The following GRID1 variants were observed in gnomAD, a reference collection of about 807,000 sequenced individuals.
The protein encoded by GRID1 is glutamate receptor ionotropic, delta-1.
A neutral mutation model predicts 98.0 loss-of-function variants in GRID1; 28 were observed. The observed-to-expected ratio is 0.29, with a 90% CI of 0.21 to 0.39. The LOEUF (loss-of-function observed/expected upper bound fraction) is 0.39. Among genes scored for constraint, GRID1 ranks in the 10% least tolerant of loss-of-function variants. The pLI, the probability that GRID1 is intolerant of heterozygous loss-of-function variation, is 1.00. For synonymous variants in GRID1, 553 were observed against 538.5 expected (o/e 1.03, Z -0.37); for missense variants, 1,111 against 1,340.5 (o/e 0.83, Z 2.67).
chr10:85,695,013 A>T (rs1249879155), intron 12 of GRID1, among the ~76,000 whole-genome samples: 1 of 152,180 alleles, frequency 6.6e-6, no homozygotes, highest in Non-Finnish European at 1.5e-5. Context: ...AGATGAATAT[A>T]TGAGAACTCT....
At chr10:86,181,758 T>C (rs542402244) in intron 3 of GRID1, among the ~76,000 whole-genome samples, 1 of 152,348 alleles carries the variant, frequency 6.6e-6, no homozygotes, top group Admixed American at 6.5e-5. Flanking sequence ...GAGAGTCATG[T>C]TGTATCCAGG....
intron 4 of GRID1, among the ~76,000 whole-genome samples, chr10:85,942,422 T>C (rs893494862): frequency 4.6e-5 from 7 of 152,192 alleles, no homozygotes; most frequent in African/African-American, 1.7e-4. Flanking sequence ...CTGGGGCCTG[T>C]GATCCAGACC....
chr10:86,269,631 C>T (rs994417081), intron 2 of GRID1, among the ~76,000 whole-genome samples: 21 of 152,226 alleles, frequency 1.4e-4, no homozygotes, highest in African/African-American at 4.8e-4. Flanking sequence ...TCCTCTCATC[C>T]TCCCTGGTCA....
At chr10:86,188,069 CAGTT>C (rs10597870) in intron 3 of GRID1, among the ~76,000 whole-genome samples, 2,186 of 152,328 alleles carry the variant, frequency 0.014, 49 homozygotes, top group African/African-American at 0.049. Flanking sequence ...CGCAGATCCT[CAGTT>C]AGTACTGATG....
chr10:86,066,087 CAG>C (rs1843715750), intron 4 of GRID1, among the ~76,000 whole-genome samples: 1 of 152,174 alleles, frequency 6.6e-6, no homozygotes, highest in Non-Finnish European at 1.5e-5. Flanking sequence ...TCTGAAAAGA[CAG>C]ATTAAAGAGG....
intron 12 of GRID1, among the ~76,000 whole-genome samples, chr10:85,677,507 G>C (rs1240340861): frequency 1.3e-5 from 2 of 152,238 alleles, no homozygotes; most frequent in African/African-American, 4.8e-5. Flanking sequence ...TCATATAGTT[G>C]TCTCTATTAA....
At chr10:85,770,285 A>G (rs1002240469) in intron 8 of GRID1, among the ~76,000 whole-genome samples, 2 of 152,188 alleles carry the variant, frequency 1.3e-5, no homozygotes, top group South Asian at 2.1e-4. Flanking sequence ...TAGAAGGAAA[A>G]CTAACAAACA....
intron 4 of GRID1, among the ~76,000 whole-genome samples, chr10:86,091,005 A>G (rs11492862): frequency 0.14 from 21,103 of 152,212 alleles, 1,587 homozygotes; most frequent in Non-Finnish European, 0.18. Flanking sequence ...GTCCCCTAGT[A>G]GCCCATTCCT....
chr10:86,174,261 C>T (rs1388120151), intron 3 of GRID1, among the ~76,000 whole-genome samples: 1 of 151,926 alleles, frequency 6.6e-6, no homozygotes, highest in East Asian at 1.9e-4. Context: ...GCTACAGTCA[C>T]GAAAACAGCA....
At chr10:85,704,071 A>G (rs970618954) in intron 12 of GRID1, among the ~76,000 whole-genome samples, 1 of 152,204 alleles carries the variant, frequency 6.6e-6, no homozygotes, top group African/African-American at 2.4e-5. Context: ...CTAATGAGCA[A>G]AATAACCAGC....
At chr10:85,949,934 G>A (rs1159073667) in intron 4 of GRID1, among the ~76,000 whole-genome samples, 2 of 152,002 alleles carry the variant, frequency 1.3e-5, no homozygotes, top group Non-Finnish European at 2.9e-5. Context: ...ATGGATGGAT[G>A]GATGGATGCA....
chr10:85,867,878 C>T lies in GRID1; in HGVS notation c.951+1132G>A, dbSNP rs140060384. Among the ~76,000 whole-genome samples, 4 of 152,332 alleles carry T rather than the reference C, an allele frequency of 2.6e-5. No homozygotes were observed. In the East Asian group the frequency reaches 7.7e-4, roughly 29 times the overall value. ...GAAAACATTTCTCATGTTTACCATC[C>T]GTTGAGGCATGTTTCCTTTTTCTCT... is the stretch of plus-strand genomic sequence containing the variant. On this transcript the variant is annotated intron_variant, in intron 6 of 15. Transcript: ENST00000327946.
chr10:86,080,779 C>G (rs1589364501), intron 4 of GRID1, among the ~76,000 whole-genome samples: 1 of 152,162 alleles, frequency 6.6e-6, no homozygotes, highest in African/African-American at 2.4e-5. Context: ...AATCTCCACA[C>G]AGACGACTGG....
chr10:86,359,684 G>A (rs1301399211), intron 2 of GRID1, among the ~76,000 whole-genome samples: 11 of 152,082 alleles, frequency 7.2e-5, no homozygotes, highest in Admixed American at 5.2e-4. Flanking sequence ...AATAACTCTC[G>A]TCTTTTACTC....
chr10:85,773,484 C>T (rs1279466638), intron 8 of GRID1, among the ~76,000 whole-genome samples: 1 of 152,112 alleles, frequency 6.6e-6, no homozygotes, highest in Admixed American at 6.5e-5. Context: ...GGCAATTAGG[C>T]AAGAGAAGGA....
chr10:85,831,611 C>T (rs1420222540), intron 8 of GRID1, among the ~76,000 whole-genome samples: 4 of 151,936 alleles, frequency 2.6e-5, no homozygotes, highest in African/African-American at 4.8e-5. Context: ...TACAAATTTG[C>T]TGATCACAGT....
intron 8 of GRID1, among the ~76,000 whole-genome samples, chr10:85,769,681 C>A (rs145764640): frequency 0.038 from 5,733 of 152,310 alleles, 147 homozygotes; most frequent in Non-Finnish European, 0.056. Context: ...TATCCTGCAC[C>A]TGGCTCGGAG....
chr10:86,200,417 G>A (rs1221081258), intron 3 of GRID1, among the ~76,000 whole-genome samples: 1 of 152,172 alleles, frequency 6.6e-6, no homozygotes, highest in Non-Finnish European at 1.5e-5. Context: ...CAGGGTGGAA[G>A]GAATATCAGC....
At chr10:85,874,344 T>C (rs1564615180) in intron 5 of GRID1, among the ~76,000 whole-genome samples, 1 of 152,242 alleles carries the variant, frequency 6.6e-6, no homozygotes, top group Non-Finnish European at 1.5e-5. Context: ...AGGGAGTTTC[T>C]GTTGCTCTAC....
Sources: allele counts gnomAD v4.1 joint callset (sites outside exome capture counted in the v4.1 genomes callset), GRCh38; gene constraint gnomAD v4.1.1; transcripts MANE v1.5; gene names NCBI Gene and HGNC (gene_info 2026-07-23, HGNC 2026-07-21).